EMC2: variants seen among roughly 807,000 people sequenced by gnomAD.
EMC2 encodes TPR repeat protein 35.
A neutral mutation model predicts 51.6 loss-of-function variants in EMC2; 37 were observed. The ratio of observed to expected loss-of-function variants is 0.72; its 90% confidence interval spans 0.55 to 0.94. The LOEUF (loss-of-function observed/expected upper bound fraction) is 0.94. Ranked by LOEUF, EMC2 falls within the 40% of genes least tolerant of loss-of-function variation. The pLI is 0.00. For missense variants in EMC2, 359 were observed against 350.9 expected (o/e 1.02, Z -0.18); for synonymous variants, 131 against 112.4 (o/e 1.17, Z -1.04).
chr8:108,446,361 T>C (rs911798590), intron 1 of EMC2: 14 of 367,676 alleles, frequency 3.8e-5, no homozygotes, highest in Non-Finnish European at 6.6e-5. Context: ...TTTAGAAATA[T>C]CTGGTAGTAA....
intron 8 of EMC2, 73 bp from the exon 9 acceptor site, chr8:108,476,709 T>C: frequency 1.4e-6 from 1 of 721,382 alleles, no homozygotes; most frequent in Non-Finnish European, 2.5e-6. Flanking sequence ...TGAATGCCTA[T>C]GGTATGATGA....
intron 1 of EMC2, among the ~76,000 whole-genome samples, chr8:108,444,536 G>C (rs1586171299): frequency 6.6e-6 from 1 of 152,188 alleles, no homozygotes; most frequent in East Asian, 1.9e-4. Context: ...TAATACAGGA[G>C]ACTTCAGTAG....
rs765406278 is a variant in EMC2, at chr8:108,443,706, C to A, written c.40+8C>A. The A allele has an allele frequency of 6.3e-7, 1 of 1,583,510 alleles. No individual in the cohort carries two copies. The stretch of plus-strand genomic sequence containing the variant: ...ACGATGTCACTTGGGAAGGTAACTT[C>A]GGGTGGGGGCGGGTGCGGAAAGACT... On this transcript the variant is annotated splice_region_variant and intron_variant, in intron 1 of 10. Transcript: ENST00000220853.
chr8:108,479,595 TAGC>T (rs1563702437), intron 10 of EMC2, among the ~76,000 whole-genome samples: 2 of 152,162 alleles, frequency 1.3e-5, no homozygotes, highest in Non-Finnish European at 2.9e-5. Flanking sequence ...AGTTCGTCCT[TAGC>T]AGATTTTTTA....
chr8:108,450,729 A>G (rs1818997161), intron 3 of EMC2, among the ~76,000 whole-genome samples: 1 of 152,194 alleles, frequency 6.6e-6, no homozygotes, highest in Admixed American at 6.5e-5. Flanking sequence ...ACTGAAATTT[A>G]TCTGCTTAGT....
chr8:108,487,888 G>A lies in EMC2; in HGVS notation c.*1290G>A, dbSNP rs879787281. 1.3e-5 allele frequency among the ~76,000 whole-genome samples: 2 copies of A among 152,052 alleles called. No individual in the cohort carries two copies. The highest frequency in any genetic ancestry group is 2.9e-5 in the Non-Finnish European group (2 of 68,006). On this transcript the variant is annotated 3_prime_UTR_variant, in exon 11 of 11. Transcript: ENST00000220853. Reference sequence around the variant, plus strand: ...AATAGGCAGCTGATTAATATATTCTGTGAAAGAACTCTTCTCATCTGAAGG... The same window carrying A: ...AATAGGCAGCTGATTAATATATTCTATGAAAGAACTCTTCTCATCTGAAGG...
intron 5 of EMC2, among the ~76,000 whole-genome samples, chr8:108,457,488 G>A (rs1490642479): frequency 1.3e-5 from 2 of 152,060 alleles, no homozygotes; most frequent in African/African-American, 4.8e-5. Flanking sequence ...TGGACTTACA[G>A]TTTCTCATGG....
chr8:108,476,219 A>G (rs1810943643), intron 8 of EMC2, among the ~76,000 whole-genome samples: 1 of 151,832 alleles, frequency 6.6e-6, no homozygotes. Flanking sequence ...TATAAGTTAT[A>G]TCACATTTGT....
intron 5 of EMC2, among the ~76,000 whole-genome samples, chr8:108,462,702 T>C (rs1031274255): frequency 6.6e-6 from 1 of 151,924 alleles, no homozygotes; most frequent in Admixed American, 6.6e-5. Context: ...TATTTTGTTA[T>C]AATTTGCATT....
intron 9 of EMC2, 124 bp from the exon 10 acceptor site, chr8:108,478,882 A>T (rs1438593344): frequency 2.5e-6 from 1 of 395,934 alleles, no homozygotes; most frequent in African/African-American, 2.1e-5. Context: ...TTTATATTAA[A>T]AATTATTTTA....
At chr8:108,458,384 A>G (rs1819219439) in intron 5 of EMC2, among the ~76,000 whole-genome samples, 1 of 152,158 alleles carries the variant, frequency 6.6e-6, no homozygotes, top group African/African-American at 2.4e-5. Flanking sequence ...TTTCACTTCC[A>G]TACTACCCTA....
intron 5 of EMC2, among the ~76,000 whole-genome samples, chr8:108,459,885 T>A (rs1819272230): frequency 6.6e-6 from 1 of 152,312 alleles, no homozygotes; most frequent in East Asian, 1.9e-4. Context: ...AAATAGCTTC[T>A]ATAAGCTAAT....
At chr8:108,448,881 C>T (rs377386099) in intron 1 of EMC2, among the ~76,000 whole-genome samples, 13 of 151,956 alleles carry the variant, frequency 8.6e-5, no homozygotes, top group African/African-American at 1.2e-4. Flanking sequence ...ATTTTCCTGT[C>T]AGACAGCCAT....
chr8:108,456,091 G>GTTT (rs1310657524), intron 5 of EMC2, 161 bp downstream of exon 5: 1 of 223,716 alleles, frequency 4.5e-6, no homozygotes, highest in Non-Finnish European at 8.9e-6. Context: ...ATGGGCCACA[G>GTTT]TTTATTTTAA....
In EMC2 at chr8:108,443,710, TG is replaced by T; in HGVS notation, c.40+17del. The T allele has an allele frequency of 6.2e-7, 1 of 1,602,624 alleles. No individual in the cohort carries two copies. Among genetic ancestry groups the T allele is most frequent in the Admixed American group, 1.7e-5 (1 of 58,842 alleles). On this transcript the variant is annotated intron_variant, in intron 1 of 10. Coordinates refer to ENST00000220853, the MANE Select transcript of EMC2 (RefSeq NM_014673.5). The stretch of plus-strand genomic sequence containing the variant: ...TGTCACTTGGGAAGGTAACTTCGGG[TG>T]GGGGCGGGTGCGGAAAGACTAAAAG...
chr8:108,482,960 C>A (rs1013657778), intron 10 of EMC2, among the ~76,000 whole-genome samples: 15 of 151,920 alleles, frequency 9.9e-5, no homozygotes, highest in Admixed American at 6.6e-4. Context: ...TGTTTCTGTC[C>A]ATCTTTGTGT....
At chr8:108,452,784 A>G (rs531505491) in intron 3 of EMC2, among the ~76,000 whole-genome samples, 1 of 152,150 alleles carries the variant, frequency 6.6e-6, no homozygotes, top group Non-Finnish European at 1.5e-5. Flanking sequence ...AGGAGGAATA[A>G]TATGATATTA....
intron 10 of EMC2, among the ~76,000 whole-genome samples, chr8:108,482,420 G>C (rs1228991707): frequency 6.6e-6 from 1 of 152,028 alleles, no homozygotes; most frequent in African/African-American, 2.4e-5. Context: ...GAAATGAAAT[G>C]TGTTCGAATG....
At chr8:108,468,223 T>C (rs7817707) in intron 5 of EMC2, among the ~76,000 whole-genome samples, 78,532 of 152,006 alleles carry the variant, frequency 0.52, 20,687 homozygotes, top group Middle Eastern at 0.61. Context: ...AATGCTCCCA[T>C]TTTAAGTCTA....
Sources: gnomAD v4.1 joint callset for allele counts (sites outside exome capture counted in the v4.1 genomes callset) on GRCh38, gnomAD v4.1.1 for gene constraint, MANE v1.5 for transcripts, NCBI Gene and HGNC (gene_info 2026-07-23, HGNC 2026-07-21) for gene names.